ADARB2: variants seen among roughly 807,000 people sequenced by gnomAD.
ADARB2 encodes the protein inactive double-stranded RNA-specific editase B2.
In ADARB2, 25 loss-of-function variants were observed where a neutral mutation model predicts 62.2. The observed-to-expected ratio is 0.40, with a 90% CI of 0.29 to 0.56. The LOEUF (loss-of-function observed/expected upper bound fraction) is 0.56. Ranked by LOEUF, ADARB2 falls within the 20% of genes least tolerant of loss-of-function variation. The probability of loss-of-function intolerance (pLI) is 0.43; values close to 1 mark genes in which losing one functional copy is unlikely to be tolerated. For synonymous variants in ADARB2, 572 were observed against 500.8 expected, an observed-to-expected ratio of 1.14 and a Z score of -1.90; for missense variants, 1,071 against 1,077.4, an observed-to-expected ratio of 0.99 and a Z score of 0.08.
intron 4 of ADARB2, among the ~76,000 whole-genome samples, chr10:1,256,013 C>T (rs539800128): frequency 2.8e-4 from 42 of 152,332 alleles, no homozygotes; most frequent in African/African-American, 9.4e-4. Context: ...TGAGAATGGA[C>T]AGGCAGATGC....
chr10:1,454,553 C>G (rs1278815060), intron 1 of ADARB2, among the ~76,000 whole-genome samples: 6 of 152,130 alleles, frequency 3.9e-5, no homozygotes, highest in Non-Finnish European at 7.4e-5. Flanking sequence ...TAGGGACCAT[C>G]TACAATGGAA....
intron 1 of ADARB2, among the ~76,000 whole-genome samples, chr10:1,459,477 C>T (rs957476945): frequency 6.6e-6 from 1 of 152,194 alleles, no homozygotes; most frequent in Non-Finnish European, 1.5e-5. Context: ...GGTGAGGACA[C>T]AAGGGCCAGG....
At chr10:1,355,280 C>A (rs1832184214) in intron 3 of ADARB2, among the ~76,000 whole-genome samples, 9 of 152,212 alleles carry the variant, frequency 5.9e-5, no homozygotes. Context: ...CTCCATCAGC[C>A]TAAAGCCCTT....
At chr10:1,223,441 T>G (rs1718917698) in intron 6 of ADARB2, among the ~76,000 whole-genome samples, 1 of 152,206 alleles carries the variant, frequency 6.6e-6, no homozygotes, top group African/African-American at 2.4e-5. Flanking sequence ...TGGCCAGAAC[T>G]TCCAACACTA....
intron 3 of ADARB2, among the ~76,000 whole-genome samples, chr10:1,326,232 A>G (rs2131829809): frequency 6.6e-6 from 1 of 152,332 alleles, no homozygotes; most frequent in South Asian, 2.1e-4. Flanking sequence ...TTTGCAGCAC[A>G]CAAGGCTGAG....
At chr10:1,224,100 G>C (rs11250343) in intron 6 of ADARB2, among the ~76,000 whole-genome samples, 39,298 of 152,078 alleles carry the variant, frequency 0.26, 5,452 homozygotes, top group African/African-American at 0.32. Context: ...CTCAATTTCA[G>C]AGCCTGTTAT....
In ADARB2 at chr10:1,344,616, C is replaced by T. The variant is rs555833006; in HGVS notation, c.1077+18412G>A. ...CACCCTTCTGGCAGCCACAGGGAGT[C>T]GCACACGGACCCCATGCCTTTCACA... On this transcript the variant is annotated intron_variant, in intron 3 of 9. Transcript: ENST00000381312. Among the ~76,000 whole-genome samples the T allele has an allele frequency of 5.4e-4, 83 of 152,322 alleles. 1 individual carries two copies. Among genetic ancestry groups the T allele is most frequent in the African/African-American group, 1.7e-3 (72 of 41,574 alleles).
chr10:1,648,162 C>G (rs1010523133), intron 1 of ADARB2, among the ~76,000 whole-genome samples: 2 of 152,206 alleles, frequency 1.3e-5, no homozygotes, highest in Non-Finnish European at 2.9e-5. Flanking sequence ...TGTAACATTT[C>G]TCTGGCTTCT....
intron 2 of ADARB2, among the ~76,000 whole-genome samples, chr10:1,375,212 G>C (rs1832411714): frequency 6.6e-6 from 1 of 152,220 alleles, no homozygotes; most frequent in Non-Finnish European, 1.5e-5. Context: ...CGCAGAACTG[G>C]GTCGGATCCC....
intron 1 of ADARB2, among the ~76,000 whole-genome samples, chr10:1,552,523 G>A (rs1189826403): frequency 6.6e-6 from 1 of 152,228 alleles, no homozygotes; most frequent in Non-Finnish European, 1.5e-5. Context: ...CTCAGTGAGG[G>A]GCTGCCAAGG....
At chr10:1,205,261 G>A (rs1293472309) in intron 7 of ADARB2, among the ~76,000 whole-genome samples, 1 of 137,012 alleles carries the variant, frequency 7.3e-6, no homozygotes, top group Non-Finnish European at 1.7e-5. Flanking sequence ...CGAGGGCCTT[G>A]TTGTTTTAGG....
intron 3 of ADARB2, among the ~76,000 whole-genome samples, chr10:1,285,478 C>T (rs560172473): frequency 3.3e-5 from 5 of 152,272 alleles, no homozygotes; most frequent in South Asian, 4.1e-4. Flanking sequence ...AAATGGGCAC[C>T]GGCTGCACGT....
Position 1,426,429 on chromosome 10 carries a change from G to C in ADARB2, c.101-47269C>G, listed in dbSNP as rs1333089788. ...TTGTCATTGTTGCTGTAAAACCGAA[G>C]CCCTCTTCTGCGTGGCGATTTGGAG... is the stretch of plus-strand genomic sequence containing the variant. On this transcript the variant is annotated intron_variant, in intron 1 of 9. Coordinates refer to ENST00000381312, the MANE Select transcript of ADARB2 (RefSeq NM_018702.4). This position sits in a 1 kb window ranked among gnomAD's most constrained non-coding sequence, Gnocchi z 4.1. Among the ~76,000 whole-genome samples the C allele has an allele frequency of 6.6e-6, 1 of 152,008 alleles. No homozygotes were observed. Among genetic ancestry groups the C allele is most frequent in the African/African-American group, 2.4e-5 (1 of 41,386 alleles).
At chr10:1,447,192 G>C (rs768211167) in intron 1 of ADARB2, among the ~76,000 whole-genome samples, 17 of 152,242 alleles carry the variant, frequency 1.1e-4, no homozygotes, top group Admixed American at 4.6e-4. Flanking sequence ...GAATGGCTTA[G>C]AGCAGCATAG....
chr10:1,361,816 C>T (rs139725298), intron 3 of ADARB2, among the ~76,000 whole-genome samples: 5 of 152,300 alleles, frequency 3.3e-5, no homozygotes, highest in East Asian at 3.9e-4. Flanking sequence ...ACAATGGTAG[C>T]GATCACAGCC....
At chr10:1,510,250 G>A (rs937676449) in intron 1 of ADARB2, among the ~76,000 whole-genome samples, 32 of 150,564 alleles carry the variant, frequency 2.1e-4, no homozygotes, top group African/African-American at 7.6e-4. Context: ...GCACAATCTC[G>A]GCTCACTGCA....
At chr10:1,321,806 C>T (rs1175958148) in intron 3 of ADARB2, among the ~76,000 whole-genome samples, 2 of 152,178 alleles carry the variant, frequency 1.3e-5, no homozygotes, top group Non-Finnish European at 2.9e-5. Flanking sequence ...AAGCCCTGTA[C>T]TCTAATGTAG....
At chr10:1,598,857 C>T (rs1294671833) in intron 1 of ADARB2, among the ~76,000 whole-genome samples, 6 of 152,188 alleles carry the variant, frequency 3.9e-5, no homozygotes, top group South Asian at 2.1e-4. Flanking sequence ...TCACAGCCTG[C>T]GGCACCCAGG....
chr10:1,496,282 C>T (rs1831690240), intron 1 of ADARB2, among the ~76,000 whole-genome samples: 1 of 151,796 alleles, frequency 6.6e-6, no homozygotes, highest in South Asian at 2.1e-4. Flanking sequence ...TCAACTTTAT[C>T]ATCATCATAG....
Sources: gnomAD v4.1 joint callset for allele counts (sites outside exome capture counted in the v4.1 genomes callset) on GRCh38, gnomAD v4.1.1 for gene constraint, Gnocchi (gnomAD v3.1) non-coding constraint, MANE v1.5 for transcripts, NCBI Gene and HGNC (gene_info 2026-07-23, HGNC 2026-07-21) for gene names.